Variants in MXI1 observed in about 807,000 individuals in gnomAD.
MXI1 encodes max-interacting protein 1.
A neutral mutation model predicts 36.9 loss-of-function variants in MXI1; 18 were observed. The ratio of observed to expected loss-of-function variants is 0.49; its 90% CI spans 0.34 to 0.72. The LOEUF (loss-of-function observed/expected upper bound fraction) is 0.72. Ranked by LOEUF, MXI1 falls within the 30% of genes least tolerant of loss-of-function variation. The pLI, the probability that MXI1 is intolerant of heterozygous loss-of-function variation, is 0.01. For missense variants in MXI1, 304 were observed against 379.1 expected (o/e 0.80, Z 1.64); for synonymous variants, 160 against 146.7 (o/e 1.09, Z -0.65).
intron 3 of MXI1, among the ~76,000 whole-genome samples, chr10:110,256,266 A>G (rs1362792132): frequency 6.6e-6 from 1 of 152,158 alleles, no homozygotes; most frequent in Non-Finnish European, 1.5e-5. Context: ...TACATATGAC[A>G]CCAAAAACAC....
rs1031616039 is a variant in MXI1, at chr10:110,286,521, A to G, written c.*1534A>G. 1.2e-4 allele frequency: 18 copies of G among 149,996 alleles called. No homozygotes were observed. The highest frequency in any genetic ancestry group is 1.8e-4 in the Non-Finnish European group (12 of 67,528). 9.3% of individuals were successfully genotyped at this position (149,996 alleles called of 1,614,324 possible). ...AAAAAAAAAAAGCTTTATGATTTTCATAACTTATTGCTGATTTTAATGGAT... is the reference window on the plus strand; with the variant it reads ...AAAAAAAAAAAGCTTTATGATTTTCGTAACTTATTGCTGATTTTAATGGAT... On this transcript the variant is annotated 3_prime_UTR_variant, in exon 6 of 6. Coordinates refer to ENST00000332674, the MANE Select transcript of MXI1 (RefSeq NM_130439.3).
At chr10:110,229,069 T>C (rs1855165291) in intron 2 of MXI1, among the ~76,000 whole-genome samples, 1 of 152,032 alleles carries the variant, frequency 6.6e-6, no homozygotes, top group African/African-American at 2.4e-5. Context: ...GAGAAAAAAA[T>C]AGATGTACTA....
intron 3 of MXI1, among the ~76,000 whole-genome samples, chr10:110,253,755 G>A (rs931918384): frequency 6.6e-6 from 1 of 152,038 alleles, no homozygotes; most frequent in African/African-American, 2.4e-5. Flanking sequence ...ATTTTGGAAA[G>A]TTTAGTCAAA....
intron 1 of MXI1, chr10:110,208,740 G>GCCCCCCCC (rs34161324): frequency 1.0e-5 from 1 of 95,772 alleles, no homozygotes; most frequent in African/African-American, 5.0e-5. Context: ...TGCCACCGCC[G>GCCCCCCCC]CCCCCCCCCC....
rs868492890 is a variant in MXI1 at position 110,227,228 on chromosome 10, G to A, written c.275-961G>A. The A allele has an allele frequency of 8.3e-4, 565 of 677,048 alleles. 1 individual carries two copies. Among genetic ancestry groups the A allele is most frequent in the Middle Eastern group, 2.3e-3 (3 of 1,310 alleles). 41.9% of individuals were successfully genotyped at this position (677,048 alleles called of 1,614,324 possible). Reference sequence around the variant, plus strand: ...GTGTGTGAGGGGTGCGCGCGTGGGAGGGATGGTGCGCGGGGGGGAGGGGCG... The same window carrying A: ...GTGTGTGAGGGGTGCGCGCGTGGGAAGGATGGTGCGCGGGGGGGAGGGGCG... On this transcript the variant is annotated intron_variant, in intron 1 of 5. Transcript: ENST00000332674.
intron 3 of MXI1, among the ~76,000 whole-genome samples, chr10:110,259,885 A>G (rs1293390851): frequency 6.6e-6 from 1 of 152,070 alleles, no homozygotes; most frequent in Non-Finnish European, 1.5e-5. Context: ...TTACTAGCTA[A>G]CCAGTTCTTT....
chr10:110,224,121 C>G, intron 1 of MXI1, among the ~76,000 whole-genome samples: 1 of 152,150 alleles, frequency 6.6e-6, no homozygotes, highest in East Asian at 1.9e-4. Flanking sequence ...AGATTTCCAT[C>G]TCAAGATGGT....
intron 1 of MXI1, 120 bp from the exon 2 acceptor site, chr10:110,228,069 A>G: frequency 1.8e-6 from 2 of 1,121,242 alleles, no homozygotes; most frequent in Non-Finnish European, 1.3e-6. Flanking sequence ...AAAGAGTGGA[A>G]ACATTTTACC....
At chr10:110,253,709 G>A (rs748046365) in intron 3 of MXI1, among the ~76,000 whole-genome samples, 31 of 151,980 alleles carry the variant, frequency 2.0e-4, no homozygotes, top group Non-Finnish European at 2.9e-4. Context: ...AACTTCAGCT[G>A]GATTAAAAGT....
At chr10:110,237,819 G>A (rs550277518) in intron 2 of MXI1, among the ~76,000 whole-genome samples, 1 of 152,230 alleles carries the variant, frequency 6.6e-6, no homozygotes, top group South Asian at 2.1e-4. Context: ...ACTGTCACCC[G>A]GAGTAGAGTG....
At chr10:110,256,409 G>C (rs1856294027) in intron 3 of MXI1, among the ~76,000 whole-genome samples, 2 of 151,658 alleles carry the variant, frequency 1.3e-5, no homozygotes, top group South Asian at 4.2e-4. Flanking sequence ...TTCAAGACCA[G>C]CCTGACTAAC....
chr10:110,212,733 C>A (rs1232242501), intron 1 of MXI1, among the ~76,000 whole-genome samples: 1 of 152,156 alleles, frequency 6.6e-6, no homozygotes, highest in Non-Finnish European at 1.5e-5. Context: ...ACCCTCATAT[C>A]ATTGTCAAAC....
chr10:110,256,579 G>A (rs1396887712), intron 3 of MXI1, among the ~76,000 whole-genome samples: 2 of 122,848 alleles, frequency 1.6e-5, no homozygotes, highest in African/African-American at 6.4e-5. Flanking sequence ...CTCCAACCTA[G>A]GCAATAGAGT....
intron 3 of MXI1, among the ~76,000 whole-genome samples, chr10:110,278,119 T>C (rs1466007246): frequency 6.6e-6 from 1 of 152,218 alleles, no homozygotes; most frequent in Non-Finnish European, 1.5e-5. Context: ...TCAGATATGC[T>C]GTTAACTGCT....
At chr10:110,278,165 G>A (rs1857103031) in intron 3 of MXI1, among the ~76,000 whole-genome samples, 1 of 152,216 alleles carries the variant, frequency 6.6e-6, no homozygotes, top group Non-Finnish European at 1.5e-5. Flanking sequence ...CAGGACCAAA[G>A]ATGTGGACTA....
At chr10:110,209,932 A>AC (rs984591719) in intron 1 of MXI1, among the ~76,000 whole-genome samples, 9 of 63,050 alleles carry the variant, frequency 1.4e-4, no homozygotes, top group African/African-American at 2.0e-4. Flanking sequence ...TACCCCAGCC[A>AC]CCCCCCCTCA....
chr10:110,250,642 G>C (rs907208559), intron 3 of MXI1, among the ~76,000 whole-genome samples: 1 of 151,822 alleles, frequency 6.6e-6, no homozygotes, highest in South Asian at 2.1e-4. Flanking sequence ...GACTAGCAGG[G>C]CCAACATGGT....
chr10:110,256,496 G>A (rs1189178352), intron 3 of MXI1, among the ~76,000 whole-genome samples: 3 of 150,876 alleles, frequency 2.0e-5, no homozygotes, highest in Non-Finnish European at 4.4e-5. Flanking sequence ...CCAGCTACTC[G>A]GGAGGCTGAG....
At chr10:110,261,050 A>G (rs1856493531) in intron 3 of MXI1, 12 of 984,902 alleles carry the variant, frequency 1.2e-5, no homozygotes, top group Non-Finnish European at 1.3e-5. Context: ...ATATACCAGG[A>G]GGAAAGAGCA....
Sources: allele counts gnomAD v4.1 joint callset (sites outside exome capture counted in the v4.1 genomes callset), GRCh38; gene constraint gnomAD v4.1.1; transcripts MANE v1.5; gene names NCBI Gene and HGNC (gene_info 2026-07-23, HGNC 2026-07-21).